The following RABGAP1L variants were observed in gnomAD, a reference collection of about 807,000 sequenced individuals.
RABGAP1L encodes the protein rab GTPase-activating protein 1-like.
In RABGAP1L, 63 loss-of-function variants were observed where a neutral mutation model predicts 137.7. That is an observed-to-expected ratio of 0.46 (90% confidence interval 0.37 to 0.56). The LOEUF is 0.56. Among genes scored for constraint, RABGAP1L ranks in the 20% least tolerant of loss-of-function variants. The pLI, the probability that RABGAP1L is intolerant of heterozygous loss-of-function variation, is 0.00. For missense variants in RABGAP1L, 1,095 were observed against 1,244.0 expected (o/e 0.88, Z 1.80); for synonymous variants, 431 against 433.7 (o/e 0.99, Z 0.08).
At chr1:174,308,817 G>A (rs890028949) in intron 11 of RABGAP1L, among the ~76,000 whole-genome samples, 1 of 152,040 alleles carries the variant, frequency 6.6e-6, no homozygotes, top group African/African-American at 2.4e-5. Context: ...AATGCTTCCA[G>A]CTTTGATCTT....
chr1:174,487,589 G>A (rs985707464), intron 13 of RABGAP1L, among the ~76,000 whole-genome samples: 1 of 152,038 alleles, frequency 6.6e-6, no homozygotes, highest in East Asian at 1.9e-4. Context: ...GCCACTTTGT[G>A]TCTTTTTATT....
chr1:174,395,238 G>A (rs944829777), intron 13 of RABGAP1L, among the ~76,000 whole-genome samples: 6 of 152,046 alleles, frequency 3.9e-5, no homozygotes, highest in Non-Finnish European at 5.9e-5. Flanking sequence ...GCTCACACTC[G>A]TATATTAACT....
chr1:174,495,672 C>T (rs1418416247), intron 13 of RABGAP1L, among the ~76,000 whole-genome samples: 1 of 152,030 alleles, frequency 6.6e-6, no homozygotes, highest in East Asian at 1.9e-4. Flanking sequence ...TCAAGTAATA[C>T]CTTTGCTATA....
intron 1 of RABGAP1L, among the ~76,000 whole-genome samples, chr1:174,166,544 A>G (rs1240166542): frequency 6.6e-6 from 1 of 152,198 alleles, no homozygotes; most frequent in Non-Finnish European, 1.5e-5. Context: ...GACAGCCTGT[A>G]TGACTGAAGA....
intron 14 of RABGAP1L, among the ~76,000 whole-genome samples, chr1:174,644,545 A>T (rs2148365713): frequency 6.6e-6 from 1 of 152,232 alleles, no homozygotes; most frequent in East Asian, 1.9e-4. Flanking sequence ...TACAAAAGAA[A>T]AAAAAAACTA....
At position 174,281,283 on chromosome 1, in the gene RABGAP1L, A is replaced by T. The variant is rs145133536; in HGVS notation, c.1323+2504A>T. On this transcript the variant is annotated intron_variant, in intron 10 of 25. Coordinates refer to ENST00000681986, the MANE Select transcript of RABGAP1L (RefSeq NM_001366446.1). The stretch of plus-strand genomic sequence containing the variant: ...TGCTGATTGGTCCATTTTACAGAGC[A>T]CTGATTGGTCCATTTTACAGAGCGC... 2.6e-5 allele frequency among the ~76,000 whole-genome samples: 4 copies of T among 151,632 alleles called. No homozygotes were observed. In the South Asian group the frequency reaches 6.3e-4, roughly 24 times the overall value.
At chr1:174,311,334 T>C (rs1678829705) in intron 11 of RABGAP1L, among the ~76,000 whole-genome samples, 1 of 152,132 alleles carries the variant, frequency 6.6e-6, no homozygotes, top group South Asian at 2.1e-4. Flanking sequence ...ATGAGAATAG[T>C]ATGGGGGAAA....
intron 19 of RABGAP1L, among the ~76,000 whole-genome samples, chr1:174,821,144 C>T (rs1690983176): frequency 6.6e-6 from 1 of 152,078 alleles, no homozygotes; most frequent in African/African-American, 2.4e-5. Context: ...CCTAATAATT[C>T]TGCCACCATC....
At position 174,761,897 on chromosome 1, in the gene RABGAP1L, A is replaced by G. The variant is rs944328444; in HGVS notation, c.2211+9543A>G. Among the ~76,000 whole-genome samples the G allele has an allele frequency of 6.6e-6, 1 of 152,136 alleles. No homozygotes were observed. ...CAATAAACATAATAAATATATAAAT[A>G]TAGTATATTAGAAGTTATAGTATTA... On this transcript the variant is annotated intron_variant, in intron 18 of 25. Transcript: ENST00000681986. This position sits in a 1 kb window ranked among gnomAD's most constrained non-coding sequence, Gnocchi z 4.0.
chr1:174,834,535 A>G (rs1018116574), intron 19 of RABGAP1L, among the ~76,000 whole-genome samples: 3 of 152,072 alleles, frequency 2.0e-5, no homozygotes, highest in African/African-American at 7.2e-5. Flanking sequence ...GCAGGAGACA[A>G]AAGGCAAAGC....
At chr1:174,375,483 A>G (rs556771367) in intron 12 of RABGAP1L, among the ~76,000 whole-genome samples, 60 of 152,204 alleles carry the variant, frequency 3.9e-4, no homozygotes, top group African/African-American at 1.3e-3. Flanking sequence ...ACCAAGAAAA[A>G]CAAGGGAGAG....
At chr1:174,211,152 A>G (rs1171356280) in intron 1 of RABGAP1L, among the ~76,000 whole-genome samples, 1 of 152,216 alleles carries the variant, frequency 6.6e-6, no homozygotes, top group African/African-American at 2.4e-5. Flanking sequence ...TGAAGGTACA[A>G]AACTCACTGG....
chr1:174,175,269 A>G (rs1016399553), intron 1 of RABGAP1L, among the ~76,000 whole-genome samples: 2 of 152,184 alleles, frequency 1.3e-5, no homozygotes, highest in African/African-American at 4.8e-5. Flanking sequence ...GGTACCAAGA[A>G]TTTTTAGAGA....
intron 17 of RABGAP1L, among the ~76,000 whole-genome samples, chr1:174,716,779 T>G (rs1681052975): frequency 6.6e-6 from 1 of 152,220 alleles, no homozygotes; most frequent in African/African-American, 2.4e-5. Context: ...AAATTTTTCA[T>G]AATTGAATAA....
chr1:174,909,048 A>T (rs1659609224), intron 19 of RABGAP1L, among the ~76,000 whole-genome samples: 2 of 151,186 alleles, frequency 1.3e-5, no homozygotes, highest in Admixed American at 1.3e-4. Flanking sequence ...GTATGGTGGT[A>T]TGCGCCTGTA....
At chr1:174,749,804 T>C (rs185984466) in intron 17 of RABGAP1L, among the ~76,000 whole-genome samples, 219 of 152,312 alleles carry the variant, frequency 1.4e-3, no homozygotes, top group Non-Finnish European at 2.6e-3. Context: ...AAGGGAATCC[T>C]CTATAGAAAG....
At chr1:174,210,649 A>T (rs1242536103) in intron 1 of RABGAP1L, among the ~76,000 whole-genome samples, 1 of 152,176 alleles carries the variant, frequency 6.6e-6, no homozygotes, top group Non-Finnish European at 1.5e-5. Flanking sequence ...TAAAGAGGAG[A>T]TAGAGAAAGA....
chr1:174,685,769 C>T (rs1399483481), intron 15 of RABGAP1L, among the ~76,000 whole-genome samples: 1 of 152,136 alleles, frequency 6.6e-6, no homozygotes, highest in African/African-American at 2.4e-5. Context: ...CCATGTTAGC[C>T]AGGCTGGTCT....
At chr1:174,316,496 T>A (rs1679386773) in intron 11 of RABGAP1L, among the ~76,000 whole-genome samples, 2 of 152,222 alleles carry the variant, frequency 1.3e-5, no homozygotes, top group South Asian at 4.1e-4. Context: ...CTCATAGAGG[T>A]ACTGCCTTGA....
Sources: gnomAD v4.1 joint callset for allele counts (sites outside exome capture counted in the v4.1 genomes callset) on GRCh38, gnomAD v4.1.1 for gene constraint, Gnocchi (gnomAD v3.1) non-coding constraint, MANE v1.5 for transcripts, NCBI Gene and HGNC (gene_info 2026-07-23, HGNC 2026-07-21) for gene names.